RP1: variants seen among roughly 807,000 people sequenced by gnomAD.
RP1 encodes RP1 axonemal microtubule associated, also known as oxygen-regulated protein 1.
In RP1, 16 loss-of-function variants were observed where a neutral mutation model predicts 14.8. That is an observed-to-expected ratio of 1.08 (90% CI 0.73 to 1.65). The LOEUF (loss-of-function observed/expected upper bound fraction) is 1.65, where lower values mean the gene tolerates loss of function less well. Ranked by LOEUF, RP1 falls within the 40% of genes most tolerant of loss-of-function variation. The pLI is 0.00. For synonymous variants in RP1, 876 were observed against 883.6 expected (o/e 0.99, Z 0.15); for missense variants, 2,631 against 2,535.0 (o/e 1.04, Z -0.81).
At chr8:54,664,196 C>T (rs1344248360) in intron 7 of RP1, among the ~76,000 whole-genome samples, 1 of 152,064 alleles carries the variant, frequency 6.6e-6, no homozygotes, top group Non-Finnish European at 1.5e-5. Context: ...AAGATTCATC[C>T]ATGTTATAGC....
In RP1 at chr8:54,562,587, T is replaced by A. The variant is rs542050255; in HGVS notation, c.-13+3267T>A. 4.0e-5 allele frequency among the ~76,000 whole-genome samples: 6 copies of A among 151,520 alleles called. No homozygotes were observed. The South Asian group carries it at 1.3e-3, about 32-fold the overall frequency. On this transcript the variant is annotated intron_variant, in intron 1 of 22. Coordinates refer to the RP1 transcript ENST00000636932. ...TACTCAGGAGGCCGAAGCAGAAGAA[T>A]CGATTGAACCCGGGAGGCAGAGGTT...
intron 7 of RP1, among the ~76,000 whole-genome samples, chr8:54,666,227 A>G (rs1353823148): frequency 1.3e-5 from 2 of 152,118 alleles, no homozygotes; most frequent in African/African-American, 4.8e-5. Flanking sequence ...CTTATCACCA[A>G]CCAGATGCTG....
intron 1 of RP1, among the ~76,000 whole-genome samples, chr8:54,602,386 A>C (rs1446501666): frequency 5.9e-5 from 9 of 152,202 alleles, no homozygotes; most frequent in Non-Finnish European, 1.3e-4. Flanking sequence ...TTATGGCTGC[A>C]TAGTATTCCA....
intron 12 of RP1, among the ~76,000 whole-genome samples, chr8:54,686,755 C>T (rs1334040386): frequency 6.6e-6 from 1 of 151,942 alleles, no homozygotes; most frequent in Non-Finnish European, 1.5e-5. Context: ...TATGTCAGGG[C>T]CAGTTTCACA....
chr8:54,746,897 C>CA (rs1809238026), intron 19 of RP1, among the ~76,000 whole-genome samples: 1 of 152,256 alleles, frequency 6.6e-6, no homozygotes, highest in East Asian at 1.9e-4. Context: ...TTCCCTCATC[C>CA]AACCTGCTTC....
At chr8:54,602,846 T>C (rs1024683837) in intron 1 of RP1, among the ~76,000 whole-genome samples, 4 of 152,222 alleles carry the variant, frequency 2.6e-5, no homozygotes, top group African/African-American at 7.2e-5. Context: ...TTTTGAGAAG[T>C]GTCTGTTCAT....
At chr8:54,720,008 C>A (rs1184618682) in intron 15 of RP1, 2 of 810,272 alleles carry the variant, frequency 2.5e-6, no homozygotes, top group African/African-American at 1.7e-5. Flanking sequence ...CGTAAAAAGG[C>A]TCTAGATTTA....
chr8:54,743,799 T>C (rs1809156344), intron 19 of RP1, among the ~76,000 whole-genome samples: 1 of 152,182 alleles, frequency 6.6e-6, no homozygotes, highest in East Asian at 1.9e-4. Context: ...AGTATTTACG[T>C]GAGCAATTCA....
At chr8:54,834,295 G>A (rs1324946072) in intron 24 of RP1, among the ~76,000 whole-genome samples, 1 of 152,042 alleles carries the variant, frequency 6.6e-6, no homozygotes, top group African/African-American at 2.4e-5. Flanking sequence ...CAAGGTCAGA[G>A]TCAGGGGTTC....
At chr8:54,800,952 G>C (rs1249999572) in intron 24 of RP1, among the ~76,000 whole-genome samples, 1 of 152,162 alleles carries the variant, frequency 6.6e-6, no homozygotes, top group African/African-American at 2.4e-5. Flanking sequence ...GTGTTGTATA[G>C]AACAGTAGAT....
intron 24 of RP1, chr8:54,837,366 T>C: frequency 2.0e-6 from 1 of 504,832 alleles, no homozygotes; most frequent in East Asian, 3.5e-5. Flanking sequence ...GATAAAAAAG[T>C]AAGTAGTGAG....
At chr8:54,683,890 A>G (rs554841047) in intron 12 of RP1, among the ~76,000 whole-genome samples, 1 of 152,116 alleles carries the variant, frequency 6.6e-6, no homozygotes, top group African/African-American at 2.4e-5. Flanking sequence ...TTTCCAAGGG[A>G]ATGCTTCCAG....
At chr8:54,638,894 CTCTCTCTCTCTCTCGG>C (rs1258964558) in intron 3 of RP1, among the ~76,000 whole-genome samples, 1 of 113,558 alleles carries the variant, frequency 8.8e-6, no homozygotes, top group African/African-American at 3.8e-5. Context: ...CTCTCTCTCT[CTCTCTCTCTCTCTCGG>C]TCTCTCTCAC....
At chr8:54,726,039 C>T (rs1205481613) in intron 16 of RP1, among the ~76,000 whole-genome samples, 1 of 152,094 alleles carries the variant, frequency 6.6e-6, no homozygotes. Context: ...TAAAGAAGTT[C>T]CCATTTAGAA....
chr8:54,771,665 G>C (rs982876053), downstream of RP1, among the ~76,000 whole-genome samples: 1 of 152,010 alleles, frequency 6.6e-6, no homozygotes, highest in Admixed American at 6.6e-5. Flanking sequence ...GTTAGTTCAT[G>C]ATACAATGTC....
intron 26 of RP1, among the ~76,000 whole-genome samples, chr8:54,853,762 A>AAGAAAGAAAGAG (rs1812112211): frequency 6.9e-6 from 1 of 144,458 alleles, no homozygotes; most frequent in African/African-American, 2.6e-5. Context: ...GAGAGAGAGA[A>AAGAAAGAAAGAG]AGAAAGAGAA....
At chr8:54,648,412 T>C (rs1382270255) in intron 3 of RP1, among the ~76,000 whole-genome samples, 3 of 152,200 alleles carry the variant, frequency 2.0e-5, no homozygotes, top group Non-Finnish European at 4.4e-5. Context: ...TTCTAGGTGA[T>C]ACAAAATATA....
intron 12 of RP1, among the ~76,000 whole-genome samples, chr8:54,692,658 G>T (rs1807743206): frequency 7.4e-6 from 1 of 135,268 alleles, no homozygotes; most frequent in Admixed American, 7.4e-5. Flanking sequence ...ACTTTTTGAT[G>T]GGGTTGTTTG....
chr8:54,851,574 G>A (rs1812061677), intron 25 of RP1, among the ~76,000 whole-genome samples: 1 of 152,114 alleles, frequency 6.6e-6, no homozygotes, highest in South Asian at 2.1e-4. Context: ...TTCTTTATAG[G>A]TTGCTTGAAA....
Sources: gnomAD v4.1 joint callset for allele counts (sites outside exome capture counted in the v4.1 genomes callset) on GRCh38, gnomAD v4.1.1 for gene constraint, MANE v1.5 for transcripts, NCBI Gene and HGNC (gene_info 2026-07-23, HGNC 2026-07-21) for gene names.